The following KLF7 variants were observed in gnomAD, a reference collection of about 807,000 sequenced individuals.
KLF7 encodes Krueppel-like factor 7.
A neutral mutation model predicts 27.3 loss-of-function variants in KLF7; 2 were observed. That is an observed-to-expected ratio of 0.07 (90% CI 0.03 to 0.23). The LOEUF is 0.23. Ranked by LOEUF, KLF7 falls within the 10% of genes least tolerant of loss-of-function variation. The pLI, the probability that KLF7 is intolerant of heterozygous loss-of-function variation, is 1.00. For synonymous variants in KLF7, 165 were observed against 162.4 expected, an observed-to-expected ratio of 1.02 and a Z score of -0.12; for missense variants, 221 against 394.1, an observed-to-expected ratio of 0.56 and a Z score of 3.72.
chr2:207,086,100 C>T (rs1406625880), intron 3 of KLF7, among the ~76,000 whole-genome samples: 1 of 151,846 alleles, frequency 6.6e-6, no homozygotes, highest in Non-Finnish European at 1.5e-5. Flanking sequence ...GAAGTCTAAA[C>T]CCTACTTAAC....
chr2:207,152,272 T>TACACACACACACACAC lies in KLF7; in HGVS notation c.102+13179_102+13194dup, dbSNP rs67380335. Among the ~76,000 whole-genome samples the TACACACACACACACAC allele has an allele frequency of 1.0e-3, 152 of 150,572 alleles. 1 individual carries two copies. The highest frequency in any genetic ancestry group is 3.6e-3 in the African/African-American group (146 of 40,682). On this transcript the variant is annotated intron_variant, in intron 1 of 3. Coordinates refer to ENST00000309446, the MANE Select transcript of KLF7 (RefSeq NM_003709.4). ...CTAAGAACTGGTTACATGTTTTTCTTACACACACACACACACACACACACA... is the reference window on the plus strand; with the variant it reads ...CTAAGAACTGGTTACATGTTTTTCTTACACACACACACACACACACACACACACACACACACACACA...
chr2:207,089,306 T>C (rs1043720218), intron 2 of KLF7, among the ~76,000 whole-genome samples: 12 of 152,248 alleles, frequency 7.9e-5, no homozygotes, highest in African/African-American at 2.9e-4. Flanking sequence ...TAAAATATTT[T>C]CAAAATCAAT....
Position 207,075,362 on chromosome 2 carries a change from T to TA in KLF7, c.*5850dup, listed in dbSNP as rs989972033. 1 of 148,060 alleles carries TA rather than the reference T, an allele frequency of 6.8e-6. No individual in the cohort carries two copies. Among genetic ancestry groups the TA allele is most frequent in the East Asian group, 2.0e-4 (1 of 5,102 alleles). The allele number at this position is 148,060 out of a possible 1,614,324, so 9.2% of individuals were successfully genotyped here. A position where few individuals can be genotyped will look rare whatever the true frequency, so the allele number is the denominator to read the frequency against. On this transcript the variant is annotated 3_prime_UTR_variant, in exon 4 of 4. Coordinates refer to ENST00000309446, the MANE Select transcript of KLF7 (RefSeq NM_003709.4). ...TAATATATTTATATATATATATATA[T>TA]AAAAAGCTTAAAAAAAATAAAATGT... is the stretch of plus-strand genomic sequence containing the variant.
intron 2 of KLF7, among the ~76,000 whole-genome samples, chr2:207,122,734 C>T (rs1021860808): frequency 4.6e-5 from 7 of 152,194 alleles, no homozygotes; most frequent in Non-Finnish European, 1.0e-4. Context: ...CTTTTCCTAG[C>T]TCATATGCTA....
chr2:207,100,669 G>A (rs1272837209), intron 2 of KLF7, among the ~76,000 whole-genome samples: 1 of 152,042 alleles, frequency 6.6e-6, no homozygotes, highest in Non-Finnish European at 1.5e-5. Context: ...TTCTCCACAT[G>A]TCACCCCATC....
At chr2:207,122,467 A>G (rs1213044159) in intron 2 of KLF7, among the ~76,000 whole-genome samples, 1 of 152,158 alleles carries the variant, frequency 6.6e-6, no homozygotes, top group African/African-American at 2.4e-5. Flanking sequence ...AACTTCAGGA[A>G]AGTTCTTCTC....
In KLF7 at chr2:207,124,345, A is replaced by G; in HGVS notation, c.162T>C (p.Phe54=). Residue 54 remains phenylalanine, a synonymous_variant, in exon 2 of 4, where the codon TTT becomes TTC. Transcript: ENST00000309446. The part of the protein sequence containing the change: ...QTEPRRISET[F]GEDLDCFLHA... ...GGAGGAAACAGTCCAAGTCCTCACC[A>G]AAGGTCTCTGAGATCCTCCGGGGCT... The G allele has an allele frequency of 6.2e-7, 1 of 1,601,722 alleles. No individual in the cohort carries two copies. Among genetic ancestry groups the G allele is most frequent in the African/African-American group, 1.3e-5 (1 of 74,796 alleles).
chr2:207,077,069 A>C lies in KLF7; in HGVS notation c.*4144T>G, dbSNP rs1341122023. 1 of 152,210 alleles carries C rather than the reference A, an allele frequency of 6.6e-6. No homozygotes were observed. The highest frequency in any genetic ancestry group is 1.5e-5 in the Non-Finnish European group (1 of 68,044). The allele number at this position is 152,210 out of a possible 1,614,324, so 9.4% of individuals were successfully genotyped here. A position where few individuals can be genotyped will look rare whatever the true frequency, so the allele number is the denominator to read the frequency against. On this transcript the variant is annotated 3_prime_UTR_variant, in exon 4 of 4. Coordinates refer to ENST00000309446, the MANE Select transcript of KLF7 (RefSeq NM_003709.4). ...TTCTTCCTGCTCCTAAAAGCAACTC[A>C]TGCAAAAGAGAAGACAGAAGCACTT...
At chr2:207,169,040 A>G (rs1372044561), upstream of KLF7, among the ~76,000 whole-genome samples, 1 of 152,204 alleles carries the variant, frequency 6.6e-6, no homozygotes, top group Non-Finnish European at 1.5e-5. Context: ...CCATTTTTAT[A>G]GATGAAGATA....
At chr2:207,120,008 T>C (rs899546229) in intron 2 of KLF7, among the ~76,000 whole-genome samples, 4 of 152,188 alleles carry the variant, frequency 2.6e-5, no homozygotes, top group Non-Finnish European at 5.9e-5. Context: ...TGTCCATTTT[T>C]ATATGCTTCC....
chr2:207,113,498 T>C (rs2077090989), intron 2 of KLF7, among the ~76,000 whole-genome samples: 1 of 146,764 alleles, frequency 6.8e-6, no homozygotes, highest in African/African-American at 2.5e-5. Flanking sequence ...CCCCACTGAC[T>C]AAATCCCTCT....
chr2:207,126,129 T>C (rs1034112741), intron 1 of KLF7, among the ~76,000 whole-genome samples: 1 of 152,226 alleles, frequency 6.6e-6, no homozygotes, highest in African/African-American at 2.4e-5. Context: ...TTCTCAGGTC[T>C]AGAAATATGA....
intron 1 of KLF7, among the ~76,000 whole-genome samples, chr2:207,154,482 C>T (rs957605593): frequency 2.0e-5 from 3 of 152,160 alleles, no homozygotes; most frequent in African/African-American, 7.2e-5. Context: ...CAGTTCCAAG[C>T]ACAAATTACT....
intron 2 of KLF7, among the ~76,000 whole-genome samples, chr2:207,118,855 T>G (rs2077260849): frequency 2.0e-5 from 3 of 152,248 alleles, no homozygotes; most frequent in Admixed American, 2.0e-4. Context: ...ACATAACACT[T>G]CTGTTTGCCT....
At chr2:207,155,540 A>G (rs62188627) in intron 1 of KLF7, among the ~76,000 whole-genome samples, 14,842 of 152,232 alleles carry the variant, frequency 0.097, 971 homozygotes, top group Non-Finnish European at 0.14. Context: ...CTCAACACAG[A>G]TGTTTGTTAC....
chr2:207,166,656 C>T, upstream of KLF7: 1 of 321,830 alleles, frequency 3.1e-6, no homozygotes, highest in South Asian at 1.2e-4. Context: ...GGGAAGCCGC[C>T]GAGGGCGCGG....
chr2:207,109,902 G>C (rs1325392233), intron 2 of KLF7: 1 of 154,804 alleles, frequency 6.5e-6, no homozygotes, highest in East Asian at 1.9e-4. Context: ...ATCTCTTCAA[G>C]TGGCAAGGGA....
chr2:207,168,792 A>T (rs2078764112), upstream of KLF7, among the ~76,000 whole-genome samples: 1 of 152,222 alleles, frequency 6.6e-6, no homozygotes, highest in African/African-American at 2.4e-5. Context: ...AATATTAGTT[A>T]TATTTAGCTA....
chr2:207,146,779 T>G (rs983044608), intron 1 of KLF7, among the ~76,000 whole-genome samples: 2 of 152,184 alleles, frequency 1.3e-5, no homozygotes, highest in African/African-American at 4.8e-5. Context: ...ATGGCCCATT[T>G]GTCTCTCATC....
Sources: allele counts gnomAD v4.1 joint callset (sites outside exome capture counted in the v4.1 genomes callset), GRCh38; gene constraint gnomAD v4.1.1; transcripts MANE v1.5; gene names NCBI Gene and HGNC (gene_info 2026-07-23, HGNC 2026-07-21).